CCDC192: variants seen among roughly 807,000 people sequenced by gnomAD.
CCDC192 encodes coiled-coil domain containing 192, also known as coiled-coil domain-containing protein 192.
At chr5:127,819,400 C>T (rs1215581470) in intron 5 of CCDC192, among the ~76,000 whole-genome samples, 8 of 152,026 alleles carry the variant, frequency 5.3e-5, no homozygotes, top group Admixed American at 3.9e-4. Flanking sequence ...CAAATACAGG[C>T]GGTTCTCAGG....
chr5:127,761,186 C>A (rs1754908849), intron 3 of CCDC192, among the ~76,000 whole-genome samples: 1 of 152,056 alleles, frequency 6.6e-6, no homozygotes, highest in African/African-American at 2.4e-5. Flanking sequence ...GCTGTTTTTT[C>A]TGTTTGTTTG....
intron 2 of CCDC192, among the ~76,000 whole-genome samples, chr5:127,709,198 AGGGG>A (rs796107475): frequency 9.8e-5 from 7 of 71,322 alleles, no homozygotes; most frequent in African/African-American, 3.3e-4. Context: ...AGGTGGAGAG[AGGGG>A]GAGAGAGAGA....
intron 6 of CCDC192, among the ~76,000 whole-genome samples, chr5:127,876,080 T>G (rs974126980): frequency 2.7e-5 from 4 of 150,282 alleles, no homozygotes; most frequent in East Asian, 2.0e-4. Flanking sequence ...TTTTTTTTTT[T>G]TTTTTACCAA....
At chr5:127,936,127 A>G (rs1306770938) in intron 6 of CCDC192, among the ~76,000 whole-genome samples, 3 of 152,162 alleles carry the variant, frequency 2.0e-5, no homozygotes, top group South Asian at 2.1e-4. Context: ...GAAAAGAAAA[A>G]AAATTATCAA....
At chr5:127,887,896 G>A (rs1050414152) in intron 6 of CCDC192, among the ~76,000 whole-genome samples, 3 of 151,310 alleles carry the variant, frequency 2.0e-5, no homozygotes, top group African/African-American at 7.3e-5. Flanking sequence ...GTAGAGACAG[G>A]GTTTCACCAT....
At position 127,745,045 on chromosome 5, in the gene CCDC192, G is replaced by T. The variant is rs114352473; in HGVS notation, c.115-9223G>T. Among the ~76,000 whole-genome samples the T allele has an allele frequency of 1.7e-3, 266 of 152,264 alleles. 1 individual carries two copies. Among genetic ancestry groups the T allele is most frequent in the African/African-American group, 6.1e-3 (252 of 41,564 alleles). ...TTATAGCCTCTCAGCATGAAGGACTGCCTGCTCTGGTACAGCCACCTTCCT... is the reference window on the plus strand; with the variant it reads ...TTATAGCCTCTCAGCATGAAGGACTTCCTGCTCTGGTACAGCCACCTTCCT... On this transcript the variant is annotated intron_variant, in intron 2 of 6. Coordinates refer to ENST00000514853, the MANE Select transcript of CCDC192 (RefSeq NM_001317938.2).
chr5:127,772,466 CA>C (rs34089281), intron 3 of CCDC192, among the ~76,000 whole-genome samples: 10,033 of 67,696 alleles, frequency 0.15, 474 homozygotes, highest in East Asian at 0.37. Context: ...GACTCTGTCA[CA>C]AAAAAAAAAA....
intron 6 of CCDC192, among the ~76,000 whole-genome samples, chr5:127,916,805 G>A (rs1398777189): frequency 1.3e-5 from 2 of 152,222 alleles, no homozygotes; most frequent in Admixed American, 6.5e-5. Context: ...AGGGAGAGTA[G>A]ATTTAGCATC....
chr5:127,730,393 C>A (rs75605209), intron 2 of CCDC192, among the ~76,000 whole-genome samples: 13 of 152,122 alleles, frequency 8.5e-5, no homozygotes, highest in African/African-American at 2.9e-4. Context: ...GCCTACCAAC[C>A]AAAAGAAGCC....
intron 2 of CCDC192, among the ~76,000 whole-genome samples, chr5:127,718,961 C>T (rs1751800854): frequency 6.6e-6 from 1 of 152,044 alleles, no homozygotes; most frequent in Non-Finnish European, 1.5e-5. Flanking sequence ...ATTGACTGTA[C>T]TCACCCTGTT....
At chr5:127,940,120 T>C (rs1487773298) in intron 6 of CCDC192, among the ~76,000 whole-genome samples, 2 of 152,248 alleles carry the variant, frequency 1.3e-5, no homozygotes, top group East Asian at 1.9e-4. Context: ...GGACTCCTTA[T>C]GGCCACTCAT....
chr5:127,909,930 G>A (rs1005997093), intron 6 of CCDC192, among the ~76,000 whole-genome samples: 1 of 152,092 alleles, frequency 6.6e-6, no homozygotes, highest in African/African-American at 2.4e-5. Flanking sequence ...ATCAATACAA[G>A]GATCAAATTT....
chr5:127,888,988 TA>T (rs112153781), intron 6 of CCDC192, among the ~76,000 whole-genome samples: 1 of 152,058 alleles, frequency 6.6e-6, no homozygotes, highest in Non-Finnish European at 1.5e-5. Flanking sequence ...CAAAGGGAGG[TA>T]ATTTATTTAG....
intron 2 of CCDC192, among the ~76,000 whole-genome samples, chr5:127,750,391 C>A (rs527359959): frequency 6.6e-6 from 1 of 152,104 alleles, no homozygotes; most frequent in African/African-American, 2.4e-5. Flanking sequence ...CATTCAGGAG[C>A]AGGTTGTTCA....
chr5:127,863,967 C>T lies in CCDC192; in HGVS notation c.412-11571C>T, dbSNP rs1355091619. Among the ~76,000 whole-genome samples, 6 of 152,172 alleles carry T rather than the reference C, an allele frequency of 3.9e-5. No homozygotes were observed. The East Asian group carries it at 1.2e-3, about 29-fold the overall frequency. On this transcript the variant is annotated intron_variant, in intron 5 of 6. Transcript: ENST00000514853. ...CTCCTGAGCTTTAGTTTTACAGAAGCTTGGCTGGCCTTGGGTCAGCCTCAC... is the reference window on the plus strand; with the variant it reads ...CTCCTGAGCTTTAGTTTTACAGAAGTTTGGCTGGCCTTGGGTCAGCCTCAC...
At chr5:127,929,598 T>C (rs745644351) in intron 6 of CCDC192, among the ~76,000 whole-genome samples, 7 of 152,200 alleles carry the variant, frequency 4.6e-5, no homozygotes, top group Non-Finnish European at 1.0e-4. Flanking sequence ...CCCATTCCTC[T>C]GCACAGTTTA....
At chr5:127,735,009 A>T (rs1389610932) in intron 2 of CCDC192, among the ~76,000 whole-genome samples, 1 of 137,870 alleles carries the variant, frequency 7.3e-6, no homozygotes, top group Non-Finnish European at 1.5e-5. Context: ...GCCCATGCCT[A>T]TGTCCTGAAT....
At chr5:127,741,684 ACTC>A (rs1341516806) in intron 2 of CCDC192, among the ~76,000 whole-genome samples, 1 of 151,960 alleles carries the variant, frequency 6.6e-6, no homozygotes, top group African/African-American at 2.4e-5. Context: ...TGAATTCAGG[ACTC>A]CTCTAGCCCA....
intron 3 of CCDC192, among the ~76,000 whole-genome samples, chr5:127,795,886 A>G (rs1757139764): frequency 6.6e-6 from 1 of 152,168 alleles, no homozygotes. Context: ...CCAAACCACC[A>G]TGCACTCAGG....
Sources: allele counts gnomAD v4.1 joint callset (sites outside exome capture counted in the v4.1 genomes callset), GRCh38; gene constraint gnomAD v4.1.1; transcripts MANE v1.5; gene names NCBI Gene and HGNC (gene_info 2026-07-23, HGNC 2026-07-21).